RBFOX1: variants seen among roughly 807,000 people sequenced by gnomAD.
RBFOX1 encodes the protein RNA binding protein fox-1 homolog 1.
In RBFOX1, 8 loss-of-function variants were observed where a neutral mutation model predicts 57.7. The ratio of observed to expected loss-of-function variants is 0.14; its 90% CI spans 0.08 to 0.25. RBFOX1 has a LOEUF of 0.25. RBFOX1 is among the 10% of genes least tolerant of loss of function. RBFOX1 has a pLI of 1.00. For missense variants in RBFOX1, 611 were observed against 548.5 expected (o/e 1.11, Z -1.14); for synonymous variants, 326 against 222.4 (o/e 1.47, Z -4.15).
At chr16:6,633,843 A>T (rs980277111) in intron 2 of RBFOX1, among the ~76,000 whole-genome samples, 1 of 152,070 alleles carries the variant, frequency 6.6e-6, no homozygotes, top group African/African-American at 2.4e-5. Flanking sequence ...ATGTATCTCT[A>T]TAAAAAAATA....
At chr16:7,532,892 A>T (rs1305567996) in intron 5 of RBFOX1, among the ~76,000 whole-genome samples, 1 of 152,224 alleles carries the variant, frequency 6.6e-6, no homozygotes, top group African/African-American at 2.4e-5. Flanking sequence ...GATCTAGGCC[A>T]AAGTGTACAT....
At chr16:5,801,409 T>C (rs1363255578) in intron 3 of RBFOX1, among the ~76,000 whole-genome samples, 1 of 151,290 alleles carries the variant, frequency 6.6e-6, no homozygotes, top group African/African-American at 2.4e-5. Flanking sequence ...GAAAACAACC[T>C]TGTAGGAAAA....
intron 2 of RBFOX1, among the ~76,000 whole-genome samples, chr16:5,555,785 G>A (rs1160554540): frequency 6.6e-6 from 1 of 151,890 alleles, no homozygotes; most frequent in Non-Finnish European, 1.5e-5. Flanking sequence ...ACTTTGGGAG[G>A]CCTAGGTGGG....
chr16:7,098,574 T>C (rs930630327), intron 4 of RBFOX1, among the ~76,000 whole-genome samples: 7 of 152,196 alleles, frequency 4.6e-5, no homozygotes, highest in Non-Finnish European at 1.0e-4. Context: ...CTTAAACATA[T>C]ACATTCGGTT....
At chr16:6,823,866 G>A (rs1005387389) in intron 3 of RBFOX1, among the ~76,000 whole-genome samples, 13 of 152,110 alleles carry the variant, frequency 8.5e-5, no homozygotes, top group African/African-American at 3.1e-4. Flanking sequence ...TGTGGGCTGG[G>A]GTTGAGGGGA....
intron 2 of RBFOX1, among the ~76,000 whole-genome samples, chr16:6,587,255 C>T (rs943660838): frequency 1.3e-5 from 2 of 151,810 alleles, no homozygotes; most frequent in Admixed American, 6.6e-5. Flanking sequence ...ATTCCACATA[C>T]AAATGAGATA....
chr16:6,421,042 T>A (rs867366215), intron 2 of RBFOX1, among the ~76,000 whole-genome samples: 1 of 152,208 alleles, frequency 6.6e-6, no homozygotes, highest in African/African-American at 2.4e-5. Context: ...GGCTAATTGC[T>A]AGGCAATAGA....
intron 5 of RBFOX1, among the ~76,000 whole-genome samples, chr16:7,546,739 C>G (rs1258535617): frequency 6.6e-6 from 1 of 152,148 alleles, no homozygotes; most frequent in Non-Finnish European, 1.5e-5. Flanking sequence ...TTCTTTGTGT[C>G]TCATTGCCTG....
At chr16:6,499,007 TA>T (rs2095848072) in intron 2 of RBFOX1, among the ~76,000 whole-genome samples, 1 of 152,162 alleles carries the variant, frequency 6.6e-6, no homozygotes, top group Non-Finnish European at 1.5e-5. Context: ...GAAAATAAAT[TA>T]TTACCATTCT....
intron 4 of RBFOX1, among the ~76,000 whole-genome samples, chr16:7,360,104 A>G (rs73549024): frequency 0.037 from 5,640 of 152,222 alleles, 244 homozygotes; most frequent in African/African-American, 0.1. Context: ...TATGATGAAA[A>G]TGGGATTCAA....
At position 6,080,018 on chromosome 16, in the gene RBFOX1, G is replaced by A. The variant is rs189214851; in HGVS notation, c.-127+60026G>A. The stretch of plus-strand genomic sequence containing the variant: ...TACAACCATGTAACAATCCTCCTAA[G>A]TTCTGGGAGTGAATTTAAGTCTGGT... On this transcript the variant is annotated intron_variant, in intron 1 of 15. Coordinates refer to ENST00000550418, the MANE Select transcript of RBFOX1 (RefSeq NM_018723.4). Among the ~76,000 whole-genome samples the A allele has an allele frequency of 7.2e-5, 11 of 152,308 alleles. No homozygotes were observed. In the East Asian group the frequency reaches 2.1e-3, roughly 29 times the overall value.
Position 7,088,554 on chromosome 16 carries a change from C to A in RBFOX1, c.27+36456C>A, listed in dbSNP as rs906329213. On this transcript the variant is annotated intron_variant, in intron 4 of 15. Coordinates refer to ENST00000550418, the MANE Select transcript of RBFOX1 (RefSeq NM_018723.4). ...TAGTTGTTTTTTGTTGTTTTTTTTT[C>A]TGGAGATCGTATTAAAATAAGAGCA... Among the ~76,000 whole-genome samples, 9 of 127,936 alleles carry A rather than the reference C, an allele frequency of 7.0e-5. No homozygotes were observed. The East Asian group carries it at 2.1e-3, about 30-fold the overall frequency. 83.9% of individuals were successfully genotyped at this position (127,936 alleles called of 152,430 possible). A position where few individuals can be genotyped will look rare whatever the true frequency, so the allele number is the denominator to read the frequency against.
chr16:6,397,242 G>A (rs958988364), intron 2 of RBFOX1, among the ~76,000 whole-genome samples: 2 of 152,060 alleles, frequency 1.3e-5, no homozygotes, highest in African/African-American at 4.8e-5. Context: ...TAATTTCCAC[G>A]TCATAGTCAC....
At chr16:7,017,415 A>T (rs747234224) in intron 3 of RBFOX1, among the ~76,000 whole-genome samples, 7 of 152,166 alleles carry the variant, frequency 4.6e-5, no homozygotes, top group Non-Finnish European at 7.3e-5. Context: ...GCCATCAGAG[A>T]ATGAGATAAA....
chr16:6,290,518 AG>A (rs1229814043), intron 1 of RBFOX1, among the ~76,000 whole-genome samples: 2 of 151,188 alleles, frequency 1.3e-5, no homozygotes, highest in Admixed American at 6.6e-5. Context: ...GATTGTCATG[AG>A]GCATAGCAGT....
rs546918224 is a variant in RBFOX1, at chr16:7,418,338, A to T, written c.28-99809A>T. Among the ~76,000 whole-genome samples the T allele has an allele frequency of 7.9e-5, 12 of 152,334 alleles. No individual in the cohort carries two copies. The South Asian group carries it at 1.2e-3, about 16-fold the overall frequency. ...GGGGGACTTCATGCCCAATTTTCAC[A>T]GGGCAAAGCATCTCCTGGTGTCTTG... On this transcript the variant is annotated intron_variant, in intron 4 of 15. Transcript: ENST00000550418.
chr16:7,158,692 T>G (rs2077652329), intron 4 of RBFOX1, among the ~76,000 whole-genome samples: 2 of 141,674 alleles, frequency 1.4e-5, no homozygotes, highest in Non-Finnish European at 3.1e-5. Context: ...GGTGTGTCTG[T>G]GTGTTTGTGT....
chr16:7,645,214 A>G (rs907101859), intron 11 of RBFOX1, among the ~76,000 whole-genome samples: 1 of 152,212 alleles, frequency 6.6e-6, no homozygotes, highest in African/African-American at 2.4e-5. Context: ...GGATTTGACT[A>G]AAACTTTTCT....
chr16:6,063,464 G>GAC (rs772720519), intron 1 of RBFOX1, among the ~76,000 whole-genome samples: 1,228 of 86,466 alleles, frequency 0.014, 15 homozygotes, highest in African/African-American at 0.048. Context: ...CTCTTTCTCC[G>GAC]ACACACACAC....
Sources: allele counts gnomAD v4.1 joint callset (sites outside exome capture counted in the v4.1 genomes callset), GRCh38; gene constraint gnomAD v4.1.1; transcripts MANE v1.5; gene names NCBI Gene and HGNC (gene_info 2026-07-23, HGNC 2026-07-21).